The following LHFPL3 variants were observed in gnomAD, a reference collection of about 807,000 sequenced individuals.
LHFPL3 encodes LHFPL tetraspan subfamily member 3, also known as LHFPL tetraspan subfamily member 3 protein.
In LHFPL3, 5 loss-of-function variants were observed where a neutral mutation model predicts 19.3. That is an observed-to-expected ratio of 0.26 (90% confidence interval 0.14 to 0.54). The LOEUF is 0.54. LHFPL3 is among the 20% of genes least tolerant of loss of function. The pLI is 0.94. For missense variants in LHFPL3, 249 were observed against 307.4 expected (o/e 0.81, Z 1.42); for synonymous variants, 133 against 126.2 (o/e 1.05, Z -0.36).
chr7:104,476,920 G>A (rs1201825914), intron 1 of LHFPL3, among the ~76,000 whole-genome samples: 1 of 152,194 alleles, frequency 6.6e-6, no homozygotes, highest in Non-Finnish European at 1.5e-5. Flanking sequence ...GGGATCATTT[G>A]AGGAGTTATT....
At chr7:104,854,648 A>G (rs1315253206) in intron 2 of LHFPL3, among the ~76,000 whole-genome samples, 3 of 152,216 alleles carry the variant, frequency 2.0e-5, no homozygotes, top group Admixed American at 6.5e-5. Context: ...GATTTAGGTC[A>G]TTTATCACCT....
At chr7:104,742,597 T>A (rs561434826) in intron 2 of LHFPL3, among the ~76,000 whole-genome samples, 1 of 152,320 alleles carries the variant, frequency 6.6e-6, no homozygotes, top group African/African-American at 2.4e-5. Flanking sequence ...GTCCTGTCTC[T>A]GACACCAGCT....
At chr7:104,408,517 G>A (rs1350145693) in intron 1 of LHFPL3, among the ~76,000 whole-genome samples, 1 of 152,130 alleles carries the variant, frequency 6.6e-6, no homozygotes, top group Non-Finnish European at 1.5e-5. Flanking sequence ...CCATATGGTA[G>A]AACTCTGATG....
chr7:104,845,097 G>A (rs576436564), intron 2 of LHFPL3, among the ~76,000 whole-genome samples: 1 of 152,208 alleles, frequency 6.6e-6, no homozygotes, highest in Non-Finnish European at 1.5e-5. Flanking sequence ...GGTGAGGTAA[G>A]TGCTACTATT....
At chr7:104,794,735 T>C (rs954981151) in intron 2 of LHFPL3, among the ~76,000 whole-genome samples, 1 of 152,250 alleles carries the variant, frequency 6.6e-6, no homozygotes, top group Non-Finnish European at 1.5e-5. Context: ...CCGTGACTGA[T>C]TGGCAGTTAG....
At chr7:104,440,592 G>C (rs1792205490) in intron 1 of LHFPL3, among the ~76,000 whole-genome samples, 1 of 151,836 alleles carries the variant, frequency 6.6e-6, no homozygotes, top group African/African-American at 2.4e-5. Flanking sequence ...AAAATACAAA[G>C]CTATAAACTC....
In LHFPL3 at chr7:104,733,735, T is replaced by C. The variant is rs375170073; in HGVS notation, c.446-2940T>C. Among the ~76,000 whole-genome samples the C allele has an allele frequency of 2.5e-4, 38 of 152,310 alleles. No homozygotes were observed. The East Asian group carries it at 4.2e-3, about 17-fold the overall frequency. ...AGCCCATTTACATCTAAGACTAATA[T>C]TGTTATGTGTGAATTTGATCCTGTC... On this transcript the variant is annotated intron_variant, in intron 1 of 2. Transcript: ENST00000424859.
intron 1 of LHFPL3, among the ~76,000 whole-genome samples, chr7:104,362,315 G>C (rs1326427261): frequency 2.0e-5 from 3 of 152,198 alleles, no homozygotes; most frequent in Non-Finnish European, 4.4e-5. Flanking sequence ...ATAAGCCTCA[G>C]ACCGTCCTTC....
At chr7:104,630,891 G>A (rs1328110728) in intron 1 of LHFPL3, among the ~76,000 whole-genome samples, 2 of 152,066 alleles carry the variant, frequency 1.3e-5, no homozygotes, top group Non-Finnish European at 2.9e-5. Context: ...AGGAAGAGCT[G>A]TCCACACCCA....
At chr7:104,883,770 A>G (rs967446255) in intron 2 of LHFPL3, among the ~76,000 whole-genome samples, 2 of 152,174 alleles carry the variant, frequency 1.3e-5, no homozygotes, top group Non-Finnish European at 2.9e-5. Context: ...AGAATCTTCC[A>G]TATTTCCCTG....
intron 1 of LHFPL3, among the ~76,000 whole-genome samples, chr7:104,346,616 AG>A (rs1226762468): frequency 6.6e-6 from 1 of 152,138 alleles, no homozygotes; most frequent in Non-Finnish European, 1.5e-5. Context: ...CTATATTAGG[AG>A]CAAAGGAATG....
intron 1 of LHFPL3, among the ~76,000 whole-genome samples, chr7:104,701,889 T>G (rs923152512): frequency 6.6e-6 from 1 of 152,206 alleles, no homozygotes; most frequent in African/African-American, 2.4e-5. Flanking sequence ...TATTATACTT[T>G]AAGTTCTGGG....
intron 1 of LHFPL3, among the ~76,000 whole-genome samples, chr7:104,473,465 C>T (rs753209349): frequency 6.6e-6 from 1 of 152,228 alleles, no homozygotes; most frequent in Non-Finnish European, 1.5e-5. Flanking sequence ...TTATAATCTT[C>T]TCCCTGTCTC....
intron 1 of LHFPL3, among the ~76,000 whole-genome samples, chr7:104,548,656 A>G (rs963820442): frequency 6.6e-6 from 1 of 152,200 alleles, no homozygotes; most frequent in African/African-American, 2.4e-5. Context: ...ATCCCTGTCA[A>G]GGAGGGCTAT....
chr7:104,548,536 C>T (rs1794611170), intron 1 of LHFPL3, among the ~76,000 whole-genome samples: 1 of 152,086 alleles, frequency 6.6e-6, no homozygotes, highest in Admixed American at 6.6e-5. Context: ...TTGGGATATA[C>T]TTTATCCCCT....
intron 1 of LHFPL3, among the ~76,000 whole-genome samples, chr7:104,361,488 A>G (rs897772287): frequency 6.6e-6 from 1 of 152,204 alleles, no homozygotes; most frequent in Non-Finnish European, 1.5e-5. Flanking sequence ...GAACTTTTCC[A>G]TCTGAAAGTG....
At chr7:104,555,698 A>G (rs1048891476) in intron 1 of LHFPL3, among the ~76,000 whole-genome samples, 3 of 152,182 alleles carry the variant, frequency 2.0e-5, no homozygotes, top group African/African-American at 7.2e-5. Context: ...ATGTCCTCAC[A>G]TTTCAAAACC....
intron 1 of LHFPL3, among the ~76,000 whole-genome samples, chr7:104,515,334 C>A (rs1793900892): frequency 6.6e-6 from 1 of 152,148 alleles, no homozygotes; most frequent in Non-Finnish European, 1.5e-5. Context: ...AAAATAAAAT[C>A]TTGTGCCAAA....
At chr7:104,471,840 CTGAAGTTGGATCATTAA>C (rs1197645026) in intron 1 of LHFPL3, among the ~76,000 whole-genome samples, 4 of 152,178 alleles carry the variant, frequency 2.6e-5, no homozygotes, top group Non-Finnish European at 4.4e-5. Flanking sequence ...AAATATTACA[CTGAAGTTGGATCATTAA>C]TGCTTTGCTC....
Sources: gnomAD v4.1 joint callset for allele counts (sites outside exome capture counted in the v4.1 genomes callset) on GRCh38, gnomAD v4.1.1 for gene constraint, MANE v1.5 for transcripts, NCBI Gene and HGNC (gene_info 2026-07-23, HGNC 2026-07-21) for gene names.